NCK2: variants seen among roughly 807,000 people sequenced by gnomAD.
NCK2 encodes the protein NCK adaptor protein 2.
Under a neutral mutation model 33.9 loss-of-function variants are expected in NCK2, and 16 were observed. That is an observed-to-expected ratio of 0.47 (90% CI 0.32 to 0.72). The LOEUF (loss-of-function observed/expected upper bound fraction) is 0.72, where lower values mean the gene tolerates loss of function less well. Ranked by LOEUF, NCK2 falls within the 30% of genes least tolerant of loss-of-function variation. The pLI is 0.03. For missense variants in NCK2, 418 were observed against 537.3 expected, an observed-to-expected ratio of 0.78 and a Z score of 2.19; for synonymous variants, 273 against 239.9, an observed-to-expected ratio of 1.14 and a Z score of -1.27.
At chr2:105,789,160 A>C (rs1416004177) in intron 1 of NCK2, among the ~76,000 whole-genome samples, 1 of 152,100 alleles carries the variant, frequency 6.6e-6, no homozygotes, top group African/African-American at 2.4e-5. Flanking sequence ...CCAGGTTTGC[A>C]GTTAGATGTG....
intron 3 of NCK2, among the ~76,000 whole-genome samples, chr2:105,862,714 G>A (rs1384578726): frequency 1.3e-5 from 2 of 152,224 alleles, no homozygotes; most frequent in Non-Finnish European, 2.9e-5. Flanking sequence ...GCCCTTATTT[G>A]TGGAAATACA....
intron 3 of NCK2, among the ~76,000 whole-genome samples, chr2:105,879,968 C>A (rs879022783): frequency 1.3e-5 from 2 of 152,206 alleles, no homozygotes; most frequent in African/African-American, 2.4e-5. Flanking sequence ...TGGGAGCACT[C>A]ATCTCTCAGG....
intron 1 of NCK2, among the ~76,000 whole-genome samples, chr2:105,749,288 C>T (rs1276281706): frequency 6.6e-6 from 1 of 152,156 alleles, no homozygotes; most frequent in Non-Finnish European, 1.5e-5. Flanking sequence ...TTCAAGTGCA[C>T]TCAGAATTTT....
chr2:105,891,391 C>T (rs1678970171), intron 4 of NCK2, among the ~76,000 whole-genome samples: 1 of 152,130 alleles, frequency 6.6e-6, no homozygotes, highest in Non-Finnish European at 1.5e-5. Flanking sequence ...GTATCCAGGG[C>T]ACCGCCTGCC....
chr2:105,814,409 T>A (rs1675406947), intron 1 of NCK2, among the ~76,000 whole-genome samples: 1 of 152,204 alleles, frequency 6.6e-6, no homozygotes, highest in Admixed American at 6.5e-5. Context: ...GCTGCTGCAT[T>A]AGTTCAAGTC....
chr2:105,822,922 C>G (rs1393652325), intron 2 of NCK2, among the ~76,000 whole-genome samples: 2 of 151,962 alleles, frequency 1.3e-5, no homozygotes, highest in Admixed American at 6.6e-5. Context: ...TGTCTCACAC[C>G]TGAATGTTGG....
chr2:105,812,495 G>A (rs946279635), intron 1 of NCK2, among the ~76,000 whole-genome samples: 7 of 152,192 alleles, frequency 4.6e-5, no homozygotes, highest in Admixed American at 3.3e-4. Context: ...CGCTGACCCC[G>A]TGCTGTGTTG....
chr2:105,799,306 G>C (rs888303716), intron 1 of NCK2, among the ~76,000 whole-genome samples: 1 of 152,032 alleles, frequency 6.6e-6, no homozygotes, highest in Non-Finnish European at 1.5e-5. Context: ...GTTATAAAGG[G>C]TGTTTTCCAT....
chr2:105,748,139 G>A (rs1199419238), intron 1 of NCK2, among the ~76,000 whole-genome samples: 4 of 152,176 alleles, frequency 2.6e-5, no homozygotes, highest in Admixed American at 2.6e-4. Flanking sequence ...TTTTGATTGA[G>A]GTAGCAGTGT....
At chr2:105,865,346 T>C (rs1449188132) in intron 3 of NCK2, among the ~76,000 whole-genome samples, 1 of 152,142 alleles carries the variant, frequency 6.6e-6, no homozygotes, top group Non-Finnish European at 1.5e-5. Flanking sequence ...AGAAGTTAAG[T>C]GAGGTGCCCA....
At chr2:105,753,682 A>G (rs1336134045) in intron 1 of NCK2, among the ~76,000 whole-genome samples, 1 of 152,172 alleles carries the variant, frequency 6.6e-6, no homozygotes, top group Admixed American at 6.5e-5. Context: ...TGCTGTTGGA[A>G]TAGCTTGCAC....
intron 3 of NCK2, among the ~76,000 whole-genome samples, chr2:105,870,252 C>G (rs958354966): frequency 3.9e-5 from 6 of 152,214 alleles, no homozygotes; most frequent in Non-Finnish European, 2.9e-5. Context: ...AGAGAGCAGC[C>G]AGCTGGAGGC....
rs146479771 is a variant in NCK2, at chr2:105,787,389, T to A, written c.-200-29041T>A. The stretch of plus-strand genomic sequence containing the variant: ...TTTGGAGATGAGCCCTCTGAGGAAA[T>A]AGGGTTGAGAGTAGGGCCCCCATAA... On this transcript the variant is annotated intron_variant, in intron 1 of 4. Transcript: ENST00000233154. Among the ~76,000 whole-genome samples the A allele has an allele frequency of 5.8e-3, 880 of 152,124 alleles. 14 individuals carry two copies. Among genetic ancestry groups the A allele is most frequent in the African/African-American group, 0.02 (826 of 41,468 alleles).
rs1558871309 is a variant in NCK2, at chr2:105,855,235, C to T, written c.172C>T (p.Arg58Trp). 6.2e-7 allele frequency: 1 copy of T among 1,613,332 alleles called. No homozygotes were observed. Among genetic ancestry groups the T allele is most frequent in the Non-Finnish European group, 8.5e-7 (1 of 1,179,732 alleles). ...CTATGTACCGTCCAACTACGTGGAG[C>T]GGAAGAACAGCCTGAAGAAGGGCTC... Reference protein sequence around the residue: ...TGYVPSNYVERKNSLKKGSLV... With the variant: ...TGYVPSNYVEWKNSLKKGSLV... The change falls in exon 3 of 5, where the codon CGG (arginine) becomes TGG (tryptophan). Residue 58 changes from arginine (R) to tryptophan (W), a missense_variant. By Grantham distance (101) the Arg-to-Trp change is moderately radical. Transcript: ENST00000233154.
At chr2:105,874,160 C>T (rs938940477) in intron 3 of NCK2, among the ~76,000 whole-genome samples, 3 of 152,184 alleles carry the variant, frequency 2.0e-5, no homozygotes, top group Non-Finnish European at 4.4e-5. Flanking sequence ...TGAGTTTTTT[C>T]CCTTTACCTA....
At chr2:105,867,772 A>G (rs1175358095) in intron 3 of NCK2, among the ~76,000 whole-genome samples, 2 of 152,178 alleles carry the variant, frequency 1.3e-5, no homozygotes, top group African/African-American at 2.4e-5. Flanking sequence ...GTTGCTTCTT[A>G]CTAAGATGAT....
chr2:105,791,390 G>C (rs1690878041), intron 1 of NCK2, among the ~76,000 whole-genome samples: 1 of 147,832 alleles, frequency 6.8e-6, no homozygotes. Context: ...GTGGTGGAAG[G>C]CTCGGTGGCT....
chr2:105,838,289 A>G (rs1676508593), intron 2 of NCK2, among the ~76,000 whole-genome samples: 1 of 150,620 alleles, frequency 6.6e-6, no homozygotes, highest in Non-Finnish European at 1.5e-5. Context: ...AAATTTTTAA[A>G]TGCTGGAATT....
At chr2:105,761,998 T>G (rs987658440) in intron 1 of NCK2, among the ~76,000 whole-genome samples, 7 of 152,250 alleles carry the variant, frequency 4.6e-5, no homozygotes, top group African/African-American at 1.7e-4. Context: ...TTTAAAAATA[T>G]CTTGTCCTTT....
Sources: gnomAD v4.1 joint callset for allele counts (sites outside exome capture counted in the v4.1 genomes callset) on GRCh38, gnomAD v4.1.1 for gene constraint, MANE v1.5 for transcripts, NCBI Gene and HGNC (gene_info 2026-07-23, HGNC 2026-07-21) for gene names.